Variants in DET1 observed in about 807,000 individuals in gnomAD.
DET1 encodes the protein DET1 partner of COP1 E3 ubiquitin ligase, also known as DET1 homolog.
In DET1, 22 loss-of-function variants were observed where a neutral mutation model predicts 43.7. The ratio of observed to expected loss-of-function variants is 0.50; its 90% CI spans 0.36 to 0.72. The LOEUF (loss-of-function observed/expected upper bound fraction) is 0.72. DET1 is among the 30% of genes least tolerant of loss of function. The probability of loss-of-function intolerance (pLI) is 0.00; values close to 1 mark genes in which losing one functional copy is unlikely to be tolerated. For synonymous variants in DET1, 315 were observed against 266.2 expected, an observed-to-expected ratio of 1.18 and a Z score of -1.79; for missense variants, 713 against 713.3, an observed-to-expected ratio of 1.00 and a Z score of 0.00.
chr15:88,508,132 G>A (rs570503236), downstream of DET1, among the ~76,000 whole-genome samples: 1 of 152,304 alleles, frequency 6.6e-6, no homozygotes, highest in South Asian at 2.1e-4. Flanking sequence ...TCTAGTTGCA[G>A]GAAAACAAGC....
At chr15:88,533,805 C>T (rs374626024) in intron 1 of DET1, among the ~76,000 whole-genome samples, 3 of 134,434 alleles carry the variant, frequency 2.2e-5, no homozygotes, top group East Asian at 4.2e-4. Flanking sequence ...ACCACTTGAG[C>T]CCAGGAGTTT....
In DET1 at chr15:88,518,328, C is replaced by T. The variant is rs954301810; in HGVS notation, c.1272-1355G>A. 2.0e-5 allele frequency among the ~76,000 whole-genome samples: 3 copies of T among 151,830 alleles called. No individual in the cohort carries two copies. The East Asian group carries it at 5.8e-4, about 29-fold the overall frequency. The stretch of plus-strand genomic sequence containing the variant: ...GAATCACTCCTACATGCAGAAAAAT[C>T]TCTGTGTACATTCATACAGCATTGT... On this transcript the variant is annotated intron_variant, in intron 3 of 4. Coordinates refer to ENST00000268148, the MANE Select transcript of DET1 (RefSeq NM_001144074.3).
intron 1 of DET1, among the ~76,000 whole-genome samples, chr15:88,536,770 C>CAAAAAAAAAAAAAAAAA (rs58177778): frequency 1.7e-4 from 8 of 48,066 alleles, no homozygotes; most frequent in African/African-American, 6.1e-4. Flanking sequence ...GACTCCATCT[C>CAAAAAAAAAAAAAAAAA]AAAAAAAAAA....
rs2056799005 is a variant in DET1, at chr15:88,531,068, T to A, written c.638A>T (p.Lys213Met). The A allele has an allele frequency of 1.9e-6, 3 of 1,613,974 alleles. No homozygotes were observed. The highest frequency in any genetic ancestry group is 2.5e-6 in the Non-Finnish European group (3 of 1,179,868). Reference sequence around the variant, plus strand: ...CCCTTGGTTGTGTGACAAGACCACCTTGTCACACTTGAACGTGCGTGTATC... The same window carrying A: ...CCCTTGGTTGTGTGACAAGACCACCATGTCACACTTGAACGTGCGTGTATC... ...LCDTRTFKCD[K>M]VVLSHNQGLY... The change falls in exon 2 of 5, where the codon AAG becomes ATG. Residue 213 changes from lysine (K) to methionine (M), a missense_variant. By Grantham distance (95) the Lys-to-Met change is moderately conservative. Coordinates refer to ENST00000268148, the MANE Select transcript of DET1 (RefSeq NM_001144074.3). This position sits in a 1 kb window ranked among gnomAD's most constrained non-coding sequence, Gnocchi z 6.2.
chr15:88,532,838 T>C (rs1049184451), intron 1 of DET1, among the ~76,000 whole-genome samples: 19 of 152,100 alleles, frequency 1.2e-4, no homozygotes, highest in Non-Finnish European at 1.6e-4. Context: ...ATAAAACTAC[T>C]AGAAGAAAAT....
At chr15:88,506,096 C>G (rs2056137561) in intron 7 of DET1, among the ~76,000 whole-genome samples, 1 of 152,108 alleles carries the variant, frequency 6.6e-6, no homozygotes, top group Admixed American at 6.5e-5. Context: ...CCACACAGGC[C>G]AAGAGATTTA....
chr15:88,536,770 C>CAGAAAAA (rs2056962729), intron 1 of DET1, among the ~76,000 whole-genome samples: 1 of 48,080 alleles, frequency 2.1e-5, no homozygotes, highest in African/African-American at 8.7e-5. Context: ...GACTCCATCT[C>CAGAAAAA]AAAAAAAAAA....
chr15:88,539,777 C>A (rs1382875853), intron 1 of DET1, among the ~76,000 whole-genome samples: 2 of 152,168 alleles, frequency 1.3e-5, no homozygotes, highest in Non-Finnish European at 2.9e-5. Flanking sequence ...TGATTGAAAT[C>A]TCTGGCACCA....
chr15:88,542,222 C>A (rs1349429501), intron 1 of DET1, among the ~76,000 whole-genome samples: 1 of 152,128 alleles, frequency 6.6e-6, no homozygotes, highest in Non-Finnish European at 1.5e-5. Context: ...CACTTCCTTG[C>A]ATTAACCGGT....
chr15:88,521,884 T>C (rs775078126), intron 3 of DET1, among the ~76,000 whole-genome samples: 6 of 151,536 alleles, frequency 4.0e-5, no homozygotes, highest in Non-Finnish European at 7.4e-5. Context: ...GTCTTTTTCA[T>C]TGACTGTACT....
intron 2 of DET1, among the ~76,000 whole-genome samples, chr15:88,529,098 G>A (rs1003801198): frequency 1.3e-5 from 2 of 152,124 alleles, no homozygotes; most frequent in African/African-American, 4.8e-5. Context: ...ACAACTTATT[G>A]TACCTACCAG....
chr15:88,536,770 CAAAAAAA>C (rs58177778), intron 1 of DET1, among the ~76,000 whole-genome samples: 6 of 48,080 alleles, frequency 1.2e-4, no homozygotes, highest in Admixed American at 2.4e-4. Context: ...GACTCCATCT[CAAAAAAA>C]AAAAAAAAAA....
chr15:88,538,453 CTAACTTCTGTAAAATTGTTT>C (rs1160986851), intron 1 of DET1, among the ~76,000 whole-genome samples: 1 of 151,274 alleles, frequency 6.6e-6, no homozygotes, highest in East Asian at 1.9e-4. Context: ...TTTTGACTAC[CTAACTTCTGTAAAATTGTTT>C]TAACTAGACC....
intron 3 of DET1, among the ~76,000 whole-genome samples, chr15:88,524,261 G>T (rs550554441): frequency 5.6e-4 from 85 of 151,798 alleles, no homozygotes; most frequent in African/African-American, 1.8e-3. Flanking sequence ...TCTGAGAAGT[G>T]AGGAGCCCCT....
At chr15:88,530,587 G>C in intron 2 of DET1, 36 bp downstream of exon 2, 2 of 1,546,216 alleles carry the variant, frequency 1.3e-6, no homozygotes, top group Non-Finnish European at 1.7e-6. Flanking sequence ...TTGCCAAGGA[G>C]ATTAGACAAG....
chr15:88,536,220 TC>T, intron 1 of DET1: 1 of 688,284 alleles, frequency 1.5e-6, no homozygotes, highest in Non-Finnish European at 2.7e-6. Flanking sequence ...TCAGAAATCT[TC>T]CCCAGGCACC....
Position 88,530,603 on chromosome 15 carries a change from G to T in DET1, c.1083+20C>A. ...TGCCAAGGAGATTAGACAAGTAAAA[G>T]GCAGGAGTGTACCTCATACCTGTGA... On this transcript the variant is annotated intron_variant, in intron 2 of 4. Transcript: ENST00000268148. The T allele has an allele frequency of 6.4e-7, 1 of 1,566,966 alleles. No homozygotes were observed. The highest frequency in any genetic ancestry group is 1.2e-5 in the South Asian group (1 of 82,624).
chr15:88,512,905 G>A lies in DET1; in HGVS notation c.*46C>T. 3 of 1,599,256 alleles carry A rather than the reference G, an allele frequency of 1.9e-6. No individual in the cohort carries two copies. The highest frequency in any genetic ancestry group is 1.7e-4 in the Middle Eastern group (1 of 5,998). On this transcript the variant is annotated 3_prime_UTR_variant, in exon 5 of 5. Coordinates refer to ENST00000268148, the MANE Select transcript of DET1 (RefSeq NM_001144074.3). ...CTTTGGAGTCCACTGAGATAAGTGA[G>A]TGGCAAAGTCTTGGAAGACCAGATA...
Position 88,503,382 on chromosome 15 carries a change from G to A in DET1, c.*2178+493C>T, listed in dbSNP as rs1457238062. On this transcript the variant is annotated intron_variant and NMD_transcript_variant, in intron 8 of 8. Transcript: ENST00000557842. ...CTTTGCTAAGCCATCCACCTACAAG[G>A]AAGAAGATGGATACAAAGACACAAA... 5 of 152,102 alleles carry A rather than the reference G, an allele frequency of 3.3e-5. No individual in the cohort carries two copies. The East Asian group carries it at 7.7e-4, about 23-fold the overall frequency. 9.4% of individuals were successfully genotyped at this position (152,102 alleles called of 1,614,324 possible). A position where few individuals can be genotyped will look rare whatever the true frequency, so the allele number is the denominator to read the frequency against.
Sources: gnomAD v4.1 joint callset for allele counts (sites outside exome capture counted in the v4.1 genomes callset) on GRCh38, gnomAD v4.1.1 for gene constraint, Gnocchi (gnomAD v3.1) non-coding constraint, MANE v1.5 for transcripts, NCBI Gene and HGNC (gene_info 2026-07-23, HGNC 2026-07-21) for gene names.